The following LIMCH1 variants were observed in gnomAD, a reference collection of about 807,000 sequenced individuals.
LIMCH1 encodes LIM and calponin homology domains 1.
A neutral mutation model predicts 176.5 loss-of-function variants in LIMCH1; 113 were observed. The ratio of observed to expected loss-of-function variants is 0.64; its 90% CI spans 0.55 to 0.75. The LOEUF is 0.75. Among genes scored for constraint, LIMCH1 ranks in the 30% least tolerant of loss-of-function variants. The pLI is 0.00. For missense variants in LIMCH1, 1,674 were observed against 1,814.9 expected, an observed-to-expected ratio of 0.92 and a Z score of 1.41; for synonymous variants, 619 against 645.9, an observed-to-expected ratio of 0.96 and a Z score of 0.63.
chr4:41,646,433 C>T, intron 16 of LIMCH1, 52 bp from the exon 17 acceptor site: 4 of 1,581,920 alleles, frequency 2.5e-6, no homozygotes, highest in Non-Finnish European at 3.4e-6. Flanking sequence ...CCAAGGTCTT[C>T]TTTGCAATTT....
intron 5 of LIMCH1, among the ~76,000 whole-genome samples, chr4:41,614,305 G>A (rs116686108): frequency 1.3e-5 from 2 of 152,212 alleles, no homozygotes; most frequent in East Asian, 1.9e-4. Context: ...ATCATTTTTC[G>A]TTACAAAAAT....
chr4:41,399,971 C>T lies in LIMCH1; in HGVS notation c.96+39035C>T, dbSNP rs987513687. Among the ~76,000 whole-genome samples the T allele has an allele frequency of 2.7e-5, 4 of 150,004 alleles. No individual in the cohort carries two copies. The East Asian group carries it at 5.9e-4, about 22-fold the overall frequency. On this transcript the variant is annotated intron_variant, in intron 1 of 26. Transcript: ENST00000313860. ...TGCTGGGATTACAGGCGTGAGCCAC[C>T]GTGCCCGGCCGAGGTGGATACTCTT...
intron 1 of LIMCH1, among the ~76,000 whole-genome samples, chr4:41,585,428 A>G (rs1407515867): frequency 6.6e-6 from 1 of 152,210 alleles, no homozygotes; most frequent in Non-Finnish European, 1.5e-5. Flanking sequence ...TGTATAGACC[A>G]CATTTTGTTT....
intron 1 of LIMCH1, among the ~76,000 whole-genome samples, chr4:41,407,482 G>A (rs2059083504): frequency 6.6e-6 from 1 of 152,142 alleles, no homozygotes; most frequent in African/African-American, 2.4e-5. Flanking sequence ...CTCCCGCCTT[G>A]GCCTCCCAAA....
intron 1 of LIMCH1, among the ~76,000 whole-genome samples, chr4:41,378,089 C>G (rs932071579): frequency 6.6e-6 from 1 of 152,194 alleles, no homozygotes; most frequent in Admixed American, 6.5e-5. Flanking sequence ...GAGGTGACAG[C>G]AATGGCTAGA....
chr4:41,674,707 G>T (rs1412040595), intron 22 of LIMCH1, among the ~76,000 whole-genome samples: 2 of 152,176 alleles, frequency 1.3e-5, no homozygotes, highest in African/African-American at 4.8e-5. Flanking sequence ...CATTATGTTA[G>T]CCTGCAATTG....
At chr4:41,628,667 A>G (rs993859603) in intron 8 of LIMCH1, among the ~76,000 whole-genome samples, 7 of 152,176 alleles carry the variant, frequency 4.6e-5, no homozygotes, top group Admixed American at 4.6e-4. Flanking sequence ...ATTTAGTTAG[A>G]AATAGACTTT....
chr4:41,553,339 T>C (rs1157034030), intron 1 of LIMCH1, among the ~76,000 whole-genome samples: 1 of 152,142 alleles, frequency 6.6e-6, no homozygotes, highest in African/African-American at 2.4e-5. Flanking sequence ...TGTGGGAACA[T>C]AGAGGAGGGC....
intron 1 of LIMCH1, among the ~76,000 whole-genome samples, chr4:41,444,599 C>G (rs146152353): frequency 3.4e-3 from 518 of 152,250 alleles, no homozygotes; most frequent in Middle Eastern, 0.014. Context: ...CAACATATCA[C>G]AGTGGTCTTT....
At chr4:41,381,430 A>G (rs904945755) in intron 1 of LIMCH1, among the ~76,000 whole-genome samples, 5 of 152,214 alleles carry the variant, frequency 3.3e-5, no homozygotes, top group African/African-American at 1.2e-4. Context: ...AACCACTTTT[A>G]TAATTCCAAA....
intron 2 of LIMCH1, among the ~76,000 whole-genome samples, chr4:41,497,903 GAA>G (rs2072498035): frequency 6.6e-6 from 1 of 152,116 alleles, no homozygotes. Flanking sequence ...GGAGAGAAAA[GAA>G]AGAGATTGGC....
intron 1 of LIMCH1, among the ~76,000 whole-genome samples, chr4:41,481,858 T>TG (rs796905914): frequency 6.6e-6 from 1 of 151,850 alleles, no homozygotes; most frequent in African/African-American, 2.4e-5. Context: ...TGTTTTTTTT[T>TG]TTTTTCTTTT....
At chr4:41,534,342 A>C (rs1245782528), upstream of LIMCH1, among the ~76,000 whole-genome samples, 2 of 152,240 alleles carry the variant, frequency 1.3e-5, no homozygotes, top group Non-Finnish European at 2.9e-5. Flanking sequence ...GCAATGAAAA[A>C]AATGCATCTT....
At chr4:41,365,710 T>G (rs2052865073) in intron 1 of LIMCH1, among the ~76,000 whole-genome samples, 1 of 152,242 alleles carries the variant, frequency 6.6e-6, no homozygotes, top group South Asian at 2.1e-4. Context: ...GCGGCATCTT[T>G]CTCACAATGA....
At chr4:41,600,512 T>C (rs1273117235) in intron 2 of LIMCH1, among the ~76,000 whole-genome samples, 2 of 152,002 alleles carry the variant, frequency 1.3e-5, no homozygotes, top group East Asian at 3.8e-4. Context: ...TTAGAGCCAC[T>C]TTAAATCAGT....
At position 41,649,596 on chromosome 4, in the gene LIMCH1, T is replaced by A. The variant is rs77449697; in HGVS notation, c.2821-797T>A. On this transcript the variant is annotated intron_variant, in intron 17 of 31. Coordinates refer to ENST00000503057, the MANE Select transcript of LIMCH1 (RefSeq NM_001330672.2). ...AGAGAATAGGAAACCTGTTGAAGAT[T>A]CCATGCCTGTTAAATGGTAGAGCCA... Among the ~76,000 whole-genome samples the A allele has an allele frequency of 5.7e-3, 870 of 152,282 alleles. 5 individuals carry two copies. The highest frequency in any genetic ancestry group is 9.2e-3 in the Non-Finnish European group (623 of 68,018).
intron 1 of LIMCH1, among the ~76,000 whole-genome samples, chr4:41,397,431 G>A (rs1028351194): frequency 1.3e-5 from 2 of 152,070 alleles, no homozygotes; most frequent in African/African-American, 4.8e-5. Context: ...TTCCCTTCCT[G>A]AAGTTTTTTT....
intron 1 of LIMCH1, among the ~76,000 whole-genome samples, chr4:41,596,956 C>T (rs191699502): frequency 3.3e-5 from 5 of 152,216 alleles, no homozygotes; most frequent in Admixed American, 3.3e-4. Context: ...TGTAGTAACT[C>T]GTCATTGTTC....
intron 7 of LIMCH1, among the ~76,000 whole-genome samples, chr4:41,624,805 A>G (rs1395240199): frequency 6.6e-6 from 1 of 152,122 alleles, no homozygotes; most frequent in African/African-American, 2.4e-5. Context: ...TTCACTTTGA[A>G]ATATATAAGC....
Sources: allele counts gnomAD v4.1 joint callset (sites outside exome capture counted in the v4.1 genomes callset), GRCh38; gene constraint gnomAD v4.1.1; transcripts MANE v1.5; gene names NCBI Gene and HGNC (gene_info 2026-07-23, HGNC 2026-07-21).